SIPA1L1: variants seen among roughly 807,000 people sequenced by gnomAD.
The protein encoded by SIPA1L1 is signal-induced proliferation-associated 1-like protein 1.
In SIPA1L1, 26 loss-of-function variants were observed where a neutral mutation model predicts 162.7. That is an observed-to-expected ratio of 0.16 (90% CI 0.12 to 0.22). The LOEUF (loss-of-function observed/expected upper bound fraction) is 0.22, where lower values mean the gene tolerates loss of function less well. Among genes scored for constraint, SIPA1L1 ranks in the 10% least tolerant of loss-of-function variants. The pLI, the probability that SIPA1L1 is intolerant of heterozygous loss-of-function variation, is 1.00. For missense variants in SIPA1L1, 1,874 were observed against 2,241.0 expected (o/e 0.84, Z 3.31); for synonymous variants, 829 against 837.4 (o/e 0.99, Z 0.17).
chr14:71,410,598 A>C (rs1166464316), intron 2 of SIPA1L1, among the ~76,000 whole-genome samples: 1 of 152,222 alleles, frequency 6.6e-6, no homozygotes, highest in Non-Finnish European at 1.5e-5. Context: ...AAAACCTGAA[A>C]TCTGAAGTGC....
intron 3 of SIPA1L1, among the ~76,000 whole-genome samples, chr14:71,517,611 A>G (rs1024617211): frequency 6.6e-6 from 1 of 152,210 alleles, no homozygotes; most frequent in African/African-American, 2.4e-5. Flanking sequence ...ACTGCCTTTC[A>G]AAGTGATTGT....
intron 3 of SIPA1L1, among the ~76,000 whole-genome samples, chr14:71,516,685 T>C (rs2051761371): frequency 6.6e-6 from 1 of 152,156 alleles, no homozygotes; most frequent in Non-Finnish European, 1.5e-5. Context: ...ATGCCTTTTT[T>C]TTTTTGGCTG....
intron 14 of SIPA1L1, among the ~76,000 whole-genome samples, chr14:71,701,273 A>G (rs76454882): frequency 0.012 from 1,847 of 152,118 alleles, 44 homozygotes; most frequent in African/African-American, 0.042. Context: ...GTATCAGCCT[A>G]TAGCAAGAAG....
chr14:71,586,752 T>C (rs1458564539), intron 4 of SIPA1L1: 1 of 152,250 alleles, frequency 6.6e-6, no homozygotes, highest in Non-Finnish European at 1.5e-5. Context: ...GTGTTTTGTT[T>C]CTGCCGTCTT....
intron 2 of SIPA1L1, among the ~76,000 whole-genome samples, chr14:71,393,194 T>G (rs2040902311): frequency 6.6e-6 from 1 of 152,236 alleles, no homozygotes; most frequent in South Asian, 2.1e-4. Context: ...TATTTTGGAT[T>G]ACCTTCTTTT....
chr14:71,370,736 T>G (rs2038809565), intron 2 of SIPA1L1, among the ~76,000 whole-genome samples: 1 of 152,204 alleles, frequency 6.6e-6, no homozygotes, highest in Non-Finnish European at 1.5e-5. Context: ...CAAGGTCAGT[T>G]ATGAATCTAG....
At chr14:71,593,854 C>G (rs2035712515) in intron 5 of SIPA1L1, among the ~76,000 whole-genome samples, 1 of 152,148 alleles carries the variant, frequency 6.6e-6, no homozygotes, top group Non-Finnish European at 1.5e-5. Context: ...TGGAGTGTTA[C>G]TCTCAAAGTC....
chr14:71,395,686 T>C (rs2041132816), intron 2 of SIPA1L1, among the ~76,000 whole-genome samples: 2 of 152,162 alleles, frequency 1.3e-5, no homozygotes, highest in Non-Finnish European at 2.9e-5. Context: ...CTGGTCCTGC[T>C]GTAGACCACA....
intron 2 of SIPA1L1, among the ~76,000 whole-genome samples, chr14:71,399,965 C>T (rs916852949): frequency 2.6e-5 from 4 of 152,006 alleles, no homozygotes; most frequent in Non-Finnish European, 4.4e-5. Context: ...AAGTGATCCA[C>T]CCGCCTCGGC....
At chr14:71,457,323 G>A (rs2046256516) in intron 2 of SIPA1L1, among the ~76,000 whole-genome samples, 1 of 146,988 alleles carries the variant, frequency 6.8e-6, no homozygotes, top group Middle Eastern at 3.5e-3. Context: ...TTTTTGAGAT[G>A]GAGTCTCGCT....
At chr14:71,729,261 C>T (rs987726970) in intron 19 of SIPA1L1, among the ~76,000 whole-genome samples, 1 of 152,158 alleles carries the variant, frequency 6.6e-6, no homozygotes, top group Non-Finnish European at 1.5e-5. Context: ...GTCTCAAACT[C>T]CTGACCTCAA....
chr14:71,587,651 T>TAA lies in SIPA1L1; in HGVS notation c.-220_-219dup, dbSNP rs2034784226. 7 of 485,332 alleles carry TAA rather than the reference T, an allele frequency of 1.4e-5. No individual in the cohort carries two copies. Among genetic ancestry groups the TAA allele is most frequent in the Non-Finnish European group, 1.8e-5 (5 of 277,520 alleles). The allele number at this position is 485,332 out of a possible 1,614,324, so 30.1% of individuals were successfully genotyped here. ...TTTTTTCTGAAAGAAAGCCCTCTGT[T>TAA]AAAGTGAAGCAAAGAAACTGTTGTG... On this transcript the variant is annotated 5_prime_UTR_variant, in exon 5 of 24. It removes the in-frame stop codon of an upstream open reading frame in the 5' UTR. Transcript: ENST00000381232.
At chr14:71,543,999 ACG>A (rs1285886775) in intron 4 of SIPA1L1, among the ~76,000 whole-genome samples, 4 of 148,334 alleles carry the variant, frequency 2.7e-5, no homozygotes, top group South Asian at 2.1e-4. Context: ...ATATACACAC[ACG>A]CACATGTATA....
intron 2 of SIPA1L1, among the ~76,000 whole-genome samples, chr14:71,438,844 C>G (rs2044614980): frequency 6.6e-6 from 1 of 152,184 alleles, no homozygotes; most frequent in African/African-American, 2.4e-5. Context: ...CTGCCTGCAG[C>G]TTACTTGCCT....
At chr14:71,590,036 AAAAAAAAAATATATATATATATATAT>A (rs1385374423) in intron 5 of SIPA1L1, among the ~76,000 whole-genome samples, 9 of 74,378 alleles carry the variant, frequency 1.2e-4, no homozygotes, top group African/African-American at 3.7e-4. Context: ...AAAAAAAAAA[AAAAAAAAAATATATATATATATATAT>A]ATATATATAT....
At chr14:71,382,142 A>G (rs912662732) in intron 2 of SIPA1L1, among the ~76,000 whole-genome samples, 4 of 152,220 alleles carry the variant, frequency 2.6e-5, no homozygotes, top group African/African-American at 9.6e-5. Flanking sequence ...TAATCAAGTA[A>G]TACTTAGCAA....
intron 2 of SIPA1L1, among the ~76,000 whole-genome samples, chr14:71,374,229 T>C (rs189329542): frequency 2.6e-5 from 4 of 152,304 alleles, no homozygotes; most frequent in African/African-American, 7.2e-5. Context: ...AAACCGGAGA[T>C]ATTTGATATA....
intron 13 of SIPA1L1, among the ~76,000 whole-genome samples, chr14:71,689,163 G>C (rs1348313503): frequency 6.6e-6 from 1 of 152,178 alleles, no homozygotes; most frequent in Non-Finnish European, 1.5e-5. Flanking sequence ...GGATTTTTAT[G>C]ACATAAAAAT....
At chr14:71,635,331 G>C (rs1179784901) in intron 7 of SIPA1L1, among the ~76,000 whole-genome samples, 1 of 152,178 alleles carries the variant, frequency 6.6e-6, no homozygotes, top group African/African-American at 2.4e-5. Flanking sequence ...CAGAGAGAAG[G>C]AAAGAGTAAA....
Sources: allele counts gnomAD v4.1 joint callset (sites outside exome capture counted in the v4.1 genomes callset), GRCh38; gene constraint gnomAD v4.1.1; transcripts MANE v1.5; gene names NCBI Gene and HGNC (gene_info 2026-07-23, HGNC 2026-07-21).